USP9X: variants seen among roughly 807,000 people sequenced by gnomAD.
The protein encoded by USP9X is ubiquitin specific peptidase 9 X-linked.
USP9X carries 7 observed loss-of-function variants against 190.3 expected under a neutral mutation model. That is an observed-to-expected ratio of 0.04 (90% confidence interval 0.02 to 0.07). USP9X has a LOEUF of 0.07. USP9X is among the 10% of genes least tolerant of loss of function. The pLI, the probability that USP9X is intolerant of heterozygous loss-of-function variation, is 1.00. For synonymous variants in USP9X, 645 were observed against 659.5 expected (o/e 0.98, Z 0.34); for missense variants, 1,010 against 1,916.9 (o/e 0.53, Z 8.83).
intron 29 of USP9X, among the ~76,000 whole-genome samples, chrX:41,198,025 G>A (rs968546372): frequency 1.8e-5 from 2 of 111,672 alleles, no homozygotes; most frequent in African/African-American, 6.5e-5. Flanking sequence ...AAAATAAATA[G>A]ATAAATAAAT....
intron 41 of USP9X, among the ~76,000 whole-genome samples, chrX:41,228,596 C>T (rs1311009670): frequency 9.7e-6 from 1 of 102,878 alleles, no homozygotes; most frequent in Non-Finnish European, 2.0e-5. Context: ...AGCAAATTAC[C>T]CTCAACTACA....
Position 41,131,530 on chromosome X carries a change from A to G in USP9X, c.316A>G (p.Lys106Glu). ...TTTAGAAGCTGCTATTGATCTTAGT[A>G]AAAAGGGTAAGTTATATGTTTTTAT... ...VLLEAAIDLS[K>E]KGLDVKSEAC... Residue 106 changes from lysine to glutamate, a missense_variant, in exon 4 of 45, where the codon AAA becomes GAA. Physicochemically the swap from Lys to Glu is moderately conservative, Grantham distance 56. Around this residue, in one of 11 missense-constraint regions of USP9X, gnomAD observed 176 missense variants for 247.5 expected, o/e 0.71. Coordinates refer to ENST00000378308, the MANE Select transcript of USP9X (RefSeq NM_001039591.3). 6.6e-6 allele frequency: 8 copies of G among 1,203,480 alleles called. No individual in the cohort carries two copies. The highest frequency in any genetic ancestry group is 9.0e-6 in the Non-Finnish European group (8 of 889,390).
In USP9X at chrX:41,171,849, G is replaced by C. The variant is rs187054520; in HGVS notation, c.3039G>C (p.Leu1013=). The C allele has an allele frequency of 8.4e-4, 1,013 of 1,207,342 alleles. No individual in the cohort carries two copies. The highest frequency in any genetic ancestry group is 6.4e-4 in the Non-Finnish European group (574 of 893,448). Residue 1013 remains leucine (L), a synonymous_variant, in exon 21 of 45, where the codon CTG becomes CTC. Transcript: ENST00000378308. ...ATTTTATATTCTAGATAATGTCACT[G>C]CATCCCAGATACATCTCTTTTCTTT... ...ESCLPGVIMS[L]HPRYISFLWQ...
rs763253297 is a variant in USP9X at position 41,207,286 on chromosome X, T to C, written c.5015+1793T>C. 3.8e-4 allele frequency among the ~76,000 whole-genome samples: 41 copies of C among 109,186 alleles called. No individual in the cohort carries two copies. In the South Asian group the frequency reaches 0.016, roughly 42 times the overall value. The allele number at this position is 109,186 out of a possible 115,157, so 94.8% of individuals were successfully genotyped here. The stretch of plus-strand genomic sequence containing the variant: ...TTTTAGTAGAGATAGGGTTTCGCCG[T>C]GTTGGCCAGGCTGGTCTCAAATTCC... On this transcript the variant is annotated intron_variant, in intron 32 of 44. Transcript: ENST00000378308.
At chrX:41,183,928 A>G (rs2147157039) in intron 21 of USP9X, 70 bp from the exon 22 acceptor site, 1 of 1,120,636 alleles carries the variant, frequency 8.9e-7, no homozygotes, top group Non-Finnish European at 1.2e-6. Flanking sequence ...TATGGTCTTC[A>G]AGATATCAAA....
intron 15 of USP9X, among the ~76,000 whole-genome samples, chrX:41,163,721 C>A (rs2147108405): frequency 9.4e-6 from 1 of 106,121 alleles, no homozygotes; most frequent in Admixed American, 1.0e-4. Flanking sequence ...CCACTGCACT[C>A]CAGACCCTGT....
intron 1 of USP9X, among the ~76,000 whole-genome samples, chrX:41,118,415 A>T (rs1315581739): frequency 3.5e-4 from 39 of 111,854 alleles, no homozygotes; most frequent in Non-Finnish European, 1.1e-4. Flanking sequence ...TTCACTTAGC[A>T]TGATGTCCTC....
Position 41,196,285 on chromosome X carries a change from T to A in USP9X, c.4012T>A (p.Leu1338Ile). The part of the protein sequence containing the change: ...VRQVAQEQFF[L>I]MCTRCCMGHR... ...TCAGGTGGCACAGGAGCAGTTCTTT[T>A]TAATGTGCACCAGATGTTGCATGGG... Residue 1338 changes from leucine to isoleucine, a missense_variant, in exon 27 of 45, where the codon TTA becomes ATA. By Grantham distance (5) the Leu-to-Ile change is conservative. Coordinates refer to ENST00000378308, the MANE Select transcript of USP9X (RefSeq NM_001039591.3). The A allele has an allele frequency of 1.6e-6, 2 of 1,212,215 alleles. No homozygotes were observed. The highest frequency in any genetic ancestry group is 2.2e-6 in the Non-Finnish European group (2 of 895,635).
At chrX:41,101,943 T>G (rs1319699922) in intron 1 of USP9X, among the ~76,000 whole-genome samples, 1 of 111,872 alleles carries the variant, frequency 8.9e-6, no homozygotes, top group African/African-American at 3.2e-5. Flanking sequence ...TCATATCACA[T>G]GATGCCATTT....
At chrX:41,144,422 G>T (rs1309024323) in intron 10 of USP9X, 100 bp from the exon 11 acceptor site, 22 of 655,149 alleles carry the variant, frequency 3.4e-5, no homozygotes, top group Non-Finnish European at 4.2e-5. Context: ...TTAAATGAAG[G>T]AGATAGGAGT....
At chrX:41,142,411 G>T (rs1245160787) in intron 9 of USP9X, among the ~76,000 whole-genome samples, 1 of 111,651 alleles carries the variant, frequency 9.0e-6, no homozygotes, top group Non-Finnish European at 1.9e-5. Flanking sequence ...GGAGGCCGAG[G>T]AGAGATTGCT....
At chrX:41,143,270 C>T (rs773454919) in intron 9 of USP9X, 21 bp from the exon 10 acceptor site, 19 of 1,085,896 alleles carry the variant, frequency 1.7e-5, no homozygotes, top group African/African-American at 1.5e-4. Context: ...CTTTCAAACA[C>T]GTTTTTGAAT....
intron 32 of USP9X, among the ~76,000 whole-genome samples, chrX:41,208,360 C>G (rs2063124869): frequency 8.9e-6 from 1 of 112,176 alleles, no homozygotes; most frequent in South Asian, 3.6e-4. Flanking sequence ...TCTTGTCATT[C>G]AGTTACAATT....
At chrX:41,098,931 ATTTG>A (rs368631733) in intron 1 of USP9X, among the ~76,000 whole-genome samples, 1 of 104,268 alleles carries the variant, frequency 9.6e-6, no homozygotes, top group Admixed American at 1.0e-4. Flanking sequence ...GGTTTTTTTC[ATTTG>A]TTTGTTTTGA....
chrX:41,086,582 C>G (rs1725602716), intron 1 of USP9X, among the ~76,000 whole-genome samples: 1 of 112,250 alleles, frequency 8.9e-6, no homozygotes, highest in Admixed American at 9.3e-5. Context: ...AGCTGGGGAG[C>G]TAGGCCTCGG....
chrX:41,100,836 G>A (rs1249626964), intron 1 of USP9X, among the ~76,000 whole-genome samples: 1 of 109,938 alleles, frequency 9.1e-6, no homozygotes, highest in Admixed American at 9.8e-5. Flanking sequence ...TAGTAGAGAT[G>A]GGGTTTCACC....
intron 19 of USP9X, 66 bp from the exon 20 acceptor site, chrX:41,170,404 T>TA (rs991269674): frequency 1.0e-4 from 117 of 1,155,426 alleles, no homozygotes; most frequent in Middle Eastern, 2.4e-4. Flanking sequence ...GGTATATCAC[T>TA]AAGTTTTGTG....
chrX:41,177,457 G>A (rs2062785295), intron 21 of USP9X, among the ~76,000 whole-genome samples: 1 of 112,050 alleles, frequency 8.9e-6, no homozygotes, highest in African/African-American at 3.2e-5. Context: ...ACATTTGACA[G>A]AGTACTACTT....
intron 1 of USP9X, among the ~76,000 whole-genome samples, chrX:41,117,392 T>C (rs1378682519): frequency 9.0e-6 from 1 of 111,363 alleles, no homozygotes; most frequent in African/African-American, 3.3e-5. Context: ...GGTTACTGAA[T>C]TCATATAGAT....
Sources: gnomAD v4.1 joint callset for allele counts (sites outside exome capture counted in the v4.1 genomes callset) on GRCh38, gnomAD v4.1.1 for gene constraint, gnomAD v4.1.1 regional missense constraint, MANE v1.5 for transcripts, NCBI Gene and HGNC (gene_info 2026-07-23, HGNC 2026-07-21) for gene names.